Variants in GRIN2A observed in about 807,000 individuals in gnomAD.
GRIN2A encodes glutamate receptor ionotropic, NMDA 2A.
In GRIN2A, 22 loss-of-function variants were observed where a neutral mutation model predicts 113.4. The observed-to-expected ratio is 0.19, with a 90% CI of 0.14 to 0.28. The LOEUF is 0.28. Ranked by LOEUF, GRIN2A falls within the 10% of genes least tolerant of loss-of-function variation. The pLI, the probability that GRIN2A is intolerant of heterozygous loss-of-function variation, is 1.00. For missense variants in GRIN2A, 1,502 were observed against 1,887.0 expected (o/e 0.80, Z 3.78); for synonymous variants, 827 against 738.4 (o/e 1.12, Z -1.94).
At chr16:9,978,663 C>A (rs1414561316) in intron 2 of GRIN2A, among the ~76,000 whole-genome samples, 10 of 152,152 alleles carry the variant, frequency 6.6e-5, no homozygotes, top group Admixed American at 3.3e-4. Flanking sequence ...ATGATCACTG[C>A]CAGTAGGAAA....
At chr16:9,856,359 G>A (rs2042967309) in intron 4 of GRIN2A, among the ~76,000 whole-genome samples, 3 of 151,980 alleles carry the variant, frequency 2.0e-5, no homozygotes, top group Non-Finnish European at 4.4e-5. Context: ...TAAGATTCAC[G>A]CCTGTAATCC....
intron 4 of GRIN2A, among the ~76,000 whole-genome samples, chr16:9,880,155 A>C (rs2043448114): frequency 6.6e-6 from 1 of 152,086 alleles, no homozygotes; most frequent in South Asian, 2.1e-4. Context: ...TATCTGGAGG[A>C]TCTTGGAAGA....
At chr16:9,793,886 C>T (rs753447596) in intron 11 of GRIN2A, among the ~76,000 whole-genome samples, 11 of 151,902 alleles carry the variant, frequency 7.2e-5, no homozygotes, top group East Asian at 1.9e-4. Flanking sequence ...AGAAACGTTT[C>T]GATTTTAGGA....
chr16:9,907,027 G>T (rs2044041144), intron 3 of GRIN2A, among the ~76,000 whole-genome samples: 1 of 152,068 alleles, frequency 6.6e-6, no homozygotes, highest in Non-Finnish European at 1.5e-5. Context: ...TGCTCAGGCT[G>T]GTCATGAACC....
chr16:10,104,237 C>A (rs189235340), intron 2 of GRIN2A, among the ~76,000 whole-genome samples: 3 of 152,270 alleles, frequency 2.0e-5, no homozygotes, highest in African/African-American at 7.2e-5. Flanking sequence ...TGTTATTGAA[C>A]CTTTCAAGGT....
chr16:9,965,438 T>C (rs370758675), intron 2 of GRIN2A, among the ~76,000 whole-genome samples: 2 of 152,180 alleles, frequency 1.3e-5, no homozygotes, highest in East Asian at 1.9e-4. Flanking sequence ...AGCCAGGAAA[T>C]AGAACACAAA....
chr16:9,977,550 G>C (rs890289637), intron 2 of GRIN2A, among the ~76,000 whole-genome samples: 2 of 152,182 alleles, frequency 1.3e-5, no homozygotes, highest in Non-Finnish European at 2.9e-5. Context: ...GCGCACGCTA[G>C]GTGCTCTGTA....
At chr16:10,149,281 C>T (rs2049514150) in intron 2 of GRIN2A, among the ~76,000 whole-genome samples, 1 of 152,132 alleles carries the variant, frequency 6.6e-6, no homozygotes, top group Non-Finnish European at 1.5e-5. Context: ...ATCACATTTA[C>T]CCTGATATGA....
intron 2 of GRIN2A, chr16:10,171,645 T>C (rs574506352): frequency 6.6e-6 from 1 of 152,376 alleles, no homozygotes; most frequent in African/African-American, 2.4e-5. Flanking sequence ...TTTCAGAGCA[T>C]ACCCTCATGT....
rs2042546399 is a variant in GRIN2A, at chr16:9,834,118, T to C, written c.1764A>G (p.Leu588=). ...YFSPVGYNRN[L]AKGKAPHGPS... ...AGGTACCCTTACCTTTCCCTTTGGC[T>C]AAGTTTCTGTTGTATCCAACAGGGC... The change falls in exon 8 of 13, where the codon TTA becomes TTG. Residue 588 remains leucine, a synonymous_variant. Transcript: ENST00000330684. The C allele has an allele frequency of 6.2e-7, 1 of 1,613,662 alleles. No homozygotes were observed. Among genetic ancestry groups the C allele is most frequent in the South Asian group, 1.1e-5 (1 of 91,086 alleles).
intron 2 of GRIN2A, among the ~76,000 whole-genome samples, chr16:10,025,408 C>A (rs934653274): frequency 6.7e-6 from 1 of 149,898 alleles, no homozygotes; most frequent in African/African-American, 2.4e-5. Flanking sequence ...GCTCAGGCAT[C>A]CTCCTGCCTC....
intron 2 of GRIN2A, among the ~76,000 whole-genome samples, chr16:10,071,265 T>C (rs2047744903): frequency 1.3e-5 from 2 of 152,240 alleles, no homozygotes; most frequent in African/African-American, 2.4e-5. Context: ...AACATTCTAT[T>C]AGCAGAAATG....
At chr16:9,977,924 T>G (rs1350318606) in intron 2 of GRIN2A, among the ~76,000 whole-genome samples, 1 of 152,082 alleles carries the variant, frequency 6.6e-6, no homozygotes, top group East Asian at 1.9e-4. Flanking sequence ...ACCCTGCAGC[T>G]TAACAACGAA....
intron 2 of GRIN2A, among the ~76,000 whole-genome samples, chr16:10,126,945 C>T (rs7195891): frequency 0.67 from 102,573 of 152,022 alleles, 35,627 homozygotes; most frequent in East Asian, 0.96. Flanking sequence ...CTGACCTCAC[C>T]ATAAACAAAG....
chr16:9,766,303 G>A (rs1025176147), intron 12 of GRIN2A, among the ~76,000 whole-genome samples: 1 of 152,234 alleles, frequency 6.6e-6, no homozygotes, highest in Non-Finnish European at 1.5e-5. Context: ...GTGGGGACAA[G>A]CTCACCCTGC....
intron 11 of GRIN2A, among the ~76,000 whole-genome samples, chr16:9,793,158 G>C (rs920027131): frequency 1.3e-5 from 2 of 152,172 alleles, no homozygotes; most frequent in Non-Finnish European, 1.5e-5. Flanking sequence ...ATTTACTCCA[G>C]AATATTATAT....
intron 3 of GRIN2A, among the ~76,000 whole-genome samples, chr16:9,915,092 G>GC (rs2044220095): frequency 6.6e-6 from 1 of 150,624 alleles, no homozygotes; most frequent in South Asian, 2.1e-4. Flanking sequence ...AACTGCCACT[G>GC]CACCCGGCTA....
At chr16:10,153,230 A>T (rs1488838370) in intron 2 of GRIN2A, among the ~76,000 whole-genome samples, 1 of 152,200 alleles carries the variant, frequency 6.6e-6, no homozygotes, top group Non-Finnish European at 1.5e-5. Context: ...ATATCTCTGT[A>T]CATTCTGTTC....
chr16:10,096,790 C>A (rs766972185), intron 2 of GRIN2A, among the ~76,000 whole-genome samples: 6 of 152,228 alleles, frequency 3.9e-5, no homozygotes, highest in Admixed American at 2.0e-4. Context: ...CTGGTCAGTC[C>A]CCCACACATA....
Sources: gnomAD v4.1 joint callset for allele counts (sites outside exome capture counted in the v4.1 genomes callset) on GRCh38, gnomAD v4.1.1 for gene constraint, MANE v1.5 for transcripts, NCBI Gene and HGNC (gene_info 2026-07-23, HGNC 2026-07-21) for gene names.